Variants in TCTN2 observed in about 807,000 individuals in gnomAD.
TCTN2 encodes the protein tectonic family member 2.
TCTN2 carries 66 observed loss-of-function variants against 83.4 expected under a neutral mutation model. The observed-to-expected ratio is 0.79, with a 90% CI of 0.65 to 0.97. The LOEUF (loss-of-function observed/expected upper bound fraction) is 0.97, where lower values mean the gene tolerates loss of function less well. Among genes scored for constraint, TCTN2 ranks in the 50% least tolerant of loss-of-function variants. The pLI, the probability that TCTN2 is intolerant of heterozygous loss-of-function variation, is 0.00. For missense variants in TCTN2, 794 were observed against 858.1 expected, an observed-to-expected ratio of 0.93 and a Z score of 0.93; for synonymous variants, 301 against 326.7, an observed-to-expected ratio of 0.92 and a Z score of 0.85.
At chr12:123,700,254 G>A (rs1016594875) in intron 14 of TCTN2, 4 of 292,754 alleles carry the variant, frequency 1.4e-5, no homozygotes, top group East Asian at 1.7e-4. Flanking sequence ...TAAGTGATCT[G>A]CCCACCCCAA....
intron 11 of TCTN2, chr12:123,695,644 C>T (rs1254310206): frequency 5.4e-6 from 1 of 183,530 alleles, no homozygotes; most frequent in African/African-American, 2.4e-5. Context: ...GCTACTTCTC[C>T]AAAGAGAGGC....
intron 1 of TCTN2, 46 bp from the exon 2 acceptor site, chr12:123,671,461 T>C (rs1955749478): frequency 6.2e-7 from 1 of 1,602,058 alleles, no homozygotes; most frequent in Non-Finnish European, 8.6e-7. Flanking sequence ...TAGGCGGTGA[T>C]TCTTCCACTG....
chr12:123,699,079 G>A (rs1190565425), intron 13 of TCTN2, among the ~76,000 whole-genome samples: 46 of 152,156 alleles, frequency 3.0e-4, no homozygotes, highest in African/African-American at 1.1e-3. Context: ...CTTGATGTGT[G>A]CTCTAACTAC....
intron 9 of TCTN2, 61 bp from the exon 10 acceptor site, chr12:123,694,781 C>T: frequency 1.3e-6 from 2 of 1,584,008 alleles, no homozygotes; most frequent in Non-Finnish European, 1.7e-6. Flanking sequence ...GAGAACCTCC[C>T]AGTAACAGAG....
intron 14 of TCTN2, among the ~76,000 whole-genome samples, chr12:123,703,834 T>C (rs1956199002): frequency 6.6e-6 from 1 of 152,158 alleles, no homozygotes; most frequent in Non-Finnish European, 1.5e-5. Flanking sequence ...CAGCTTTTAC[T>C]AGAACTGTGA....
At chr12:123,695,962 G>C (rs1311105976) in intron 11 of TCTN2, 3 of 188,290 alleles carry the variant, frequency 1.6e-5, no homozygotes, top group African/African-American at 4.8e-5. Context: ...TCCTGCCTCA[G>C]CCTCCCAAGT....
chr12:123,699,504 T>C (rs1413363038), intron 13 of TCTN2, among the ~76,000 whole-genome samples, 200 bp from the exon 14 acceptor site: 1 of 152,074 alleles, frequency 6.6e-6, no homozygotes, highest in Non-Finnish European at 1.5e-5. Context: ...CTGTATGTTC[T>C]CCCCCAGGTG....
Position 123,707,772 on chromosome 12 carries a change from A to C in TCTN2, c.*59A>C. 3 of 1,353,718 alleles carry C rather than the reference A, an allele frequency of 2.2e-6. No individual in the cohort carries two copies. The highest frequency in any genetic ancestry group is 2.1e-6 in the Non-Finnish European group (2 of 946,020). The allele number at this position is 1,353,718 out of a possible 1,614,324, so 83.9% of individuals were successfully genotyped here. On this transcript the variant is annotated 3_prime_UTR_variant, in exon 18 of 18. Transcript: ENST00000303372. The stretch of plus-strand genomic sequence containing the variant: ...GTTTTGCTCTTGTTGCCCAGGCTGA[A>C]GTGATCTCGGCTCACCACAACCTCC...
intron 1 of TCTN2, 75 bp downstream of exon 1, chr12:123,671,397 T>C: frequency 6.3e-7 from 1 of 1,595,662 alleles, no homozygotes; most frequent in Non-Finnish European, 8.6e-7. Context: ...AGACTTGGAC[T>C]CCCCCGGGAG....
At chr12:123,696,313 ATG>A in intron 11 of TCTN2, 100 bp from the exon 12 acceptor site, 1 of 978,512 alleles carries the variant, frequency 1.0e-6, no homozygotes, top group Non-Finnish European at 1.7e-6. Context: ...AGCTTCGCCT[ATG>A]TGTTTTCTTT....
intron 5 of TCTN2, among the ~76,000 whole-genome samples, chr12:123,683,794 A>G (rs1955929631): frequency 6.6e-6 from 1 of 152,080 alleles, no homozygotes; most frequent in South Asian, 2.1e-4. Flanking sequence ...GCGTGCCACC[A>G]TGCTCAGCTA....
At chr12:123,707,146 T>A in intron 17 of TCTN2, 73 bp downstream of exon 17, 2 of 1,261,776 alleles carry the variant, frequency 1.6e-6, no homozygotes, top group Non-Finnish European at 2.3e-6. Context: ...GATGTCTAAA[T>A]GTTACAGAAA....
At position 123,707,996 on chromosome 12, in the gene TCTN2, C is replaced by A. The variant is rs1956251985; in HGVS notation, c.*283C>A. On this transcript the variant is annotated 3_prime_UTR_variant, in exon 18 of 18. Coordinates refer to ENST00000303372, the MANE Select transcript of TCTN2 (RefSeq NM_024809.5). ...GTGCTGAGATTACAGGCATGAGCCACCGCACCCGGCCTTTTTTTTTTTTTT... is the reference window on the plus strand; with the variant it reads ...GTGCTGAGATTACAGGCATGAGCCAACGCACCCGGCCTTTTTTTTTTTTTT... 1 of 390,720 alleles carries A rather than the reference C, an allele frequency of 2.6e-6. No homozygotes were observed. The allele number at this position is 390,720 out of a possible 1,614,324, so 24.2% of individuals were successfully genotyped here.
At chr12:123,684,558 A>T (rs1466832239) in intron 5 of TCTN2, among the ~76,000 whole-genome samples, 8 of 151,560 alleles carry the variant, frequency 5.3e-5, no homozygotes, top group Admixed American at 4.6e-4. Context: ...GCACAACCAC[A>T]CCTGGCTAAT....
At position 123,697,170 on chromosome 12, in the gene TCTN2, G is replaced by A. The variant is rs375717971; in HGVS notation, c.1477G>A (p.Gly493Arg). The change falls in exon 13 of 18, where the codon GGG becomes AGG. Residue 493 changes from glycine to arginine, a missense_variant. Physicochemically the swap from Gly to Arg is moderately radical, Grantham distance 125. Transcript: ENST00000303372. Reference protein sequence around the residue: ...NVLSGCLLEVGINENCTQLRE... With the variant: ...NVLSGCLLEVRINENCTQLRE... The stretch of plus-strand genomic sequence containing the variant: ...ACTCTCTGGATGCCTGTTAGAAGTC[G>A]GGATTAATGAAAATTGTACTCAGCT... The A allele has an allele frequency of 5.6e-5, 90 of 1,613,760 alleles. No homozygotes were observed. Among genetic ancestry groups the A allele is most frequent in the Non-Finnish European group, 7.3e-5 (86 of 1,179,862 alleles).
chr12:123,679,360 T>C, intron 5 of TCTN2, 71 bp downstream of exon 5: 1 of 1,346,176 alleles, frequency 7.4e-7, no homozygotes, highest in East Asian at 2.3e-5. Context: ...ACCAACAGCT[T>C]TTTTCATTTT....
At chr12:123,671,994 C>T (rs1955758582) in intron 2 of TCTN2, 62 bp from the exon 3 acceptor site, 5 of 1,409,840 alleles carry the variant, frequency 3.5e-6, no homozygotes, top group Middle Eastern at 1.9e-4. Context: ...GGCAGTCTGA[C>T]TCAATGCACC....
chr12:123,688,581 T>C (rs1348058334), intron 7 of TCTN2, among the ~76,000 whole-genome samples: 1 of 152,140 alleles, frequency 6.6e-6, no homozygotes, highest in Non-Finnish European at 1.5e-5. Flanking sequence ...TTAAAATCTC[T>C]TTTTAAGTTA....
chr12:123,676,585 A>T (rs1490106017), intron 4 of TCTN2, among the ~76,000 whole-genome samples: 2 of 149,876 alleles, frequency 1.3e-5, no homozygotes, highest in Non-Finnish European at 3.0e-5. Context: ...AAAAAAAAAA[A>T]AAAAAAGGAA....
Sources: allele counts gnomAD v4.1 joint callset (sites outside exome capture counted in the v4.1 genomes callset), GRCh38; gene constraint gnomAD v4.1.1; transcripts MANE v1.5; gene names NCBI Gene and HGNC (gene_info 2026-07-23, HGNC 2026-07-21).